The following CMIP variants were observed in gnomAD, a reference collection of about 807,000 sequenced individuals.
The protein encoded by CMIP is c-Maf inducing protein.
A neutral mutation model predicts 97.3 loss-of-function variants in CMIP; 13 were observed. That is an observed-to-expected ratio of 0.13 (90% confidence interval 0.09 to 0.21). CMIP has a LOEUF of 0.21. CMIP is among the 10% of genes least tolerant of loss of function. The probability of loss-of-function intolerance (pLI) is 1.00; values close to 1 mark genes in which losing one functional copy is unlikely to be tolerated. For synonymous variants in CMIP, 538 were observed against 436.3 expected (o/e 1.23, Z -2.91); for missense variants, 847 against 1,024.9 (o/e 0.83, Z 2.37).
intron 1 of CMIP, among the ~76,000 whole-genome samples, chr16:81,569,558 C>T (rs2091045818): frequency 6.6e-6 from 1 of 152,154 alleles, no homozygotes; most frequent in Admixed American, 6.5e-5. Context: ...ACAGTCCTGC[C>T]AAGGAGGCAA....
intron 1 of CMIP, among the ~76,000 whole-genome samples, chr16:81,477,286 CG>C: frequency 6.6e-6 from 1 of 152,148 alleles, no homozygotes; most frequent in South Asian, 2.1e-4. Context: ...TCCTGAGTAG[CG>C]GGGATTACAA....
chr16:81,652,281 G>T lies in CMIP; in HGVS notation c.556G>T (p.Val186Leu). The T allele has an allele frequency of 6.2e-7, 1 of 1,613,806 alleles. No individual in the cohort carries two copies. The highest frequency in any genetic ancestry group is 8.5e-7 in the Non-Finnish European group (1 of 1,179,714). Residue 186 changes from valine (V) to leucine (L), a missense_variant, in exon 4 of 21, where the codon GTG (valine) becomes TTG (leucine). Transcript: ENST00000537098. The surrounding 1 kb of genome is among the most constrained non-coding windows in gnomAD (Gnocchi z 5.2). ...TGTCTTGAAAGAGATCCGGACCCTG[G>T]TGGACATGGCCCTGACATCCCCCCT... The part of the protein sequence containing the change: ...EVVLKEIRTL[V>L]DMALTSPLQD...
At chr16:81,674,625 G>A (rs574676471) in intron 9 of CMIP, among the ~76,000 whole-genome samples, 2 of 151,718 alleles carry the variant, frequency 1.3e-5, no homozygotes, top group East Asian at 1.9e-4. Flanking sequence ...AGCTGTTGTC[G>A]CCCAGGCTGG....
chr16:81,505,386 C>T (rs2089689733), intron 1 of CMIP, among the ~76,000 whole-genome samples: 1 of 152,198 alleles, frequency 6.6e-6, no homozygotes, highest in Non-Finnish European at 1.5e-5. Flanking sequence ...GGGCCTGGTC[C>T]TCCAGACCCC....
At chr16:81,663,745 C>A (rs984915438) in intron 6 of CMIP, among the ~76,000 whole-genome samples, 1 of 152,142 alleles carries the variant, frequency 6.6e-6, no homozygotes, top group Non-Finnish European at 1.5e-5. Flanking sequence ...GGGCTGTGTC[C>A]ACCAATGAGA....
chr16:81,457,798 A>T (rs1906648321), intron 1 of CMIP, among the ~76,000 whole-genome samples: 1 of 152,172 alleles, frequency 6.6e-6, no homozygotes, highest in South Asian at 2.1e-4. Context: ...CTGAAAAACA[A>T]TGTGGGGGCC....
intron 12 of CMIP, 65 bp from the exon 13 acceptor site, chr16:81,693,374 C>G: frequency 6.3e-7 from 1 of 1,575,284 alleles, no homozygotes; most frequent in Non-Finnish European, 8.6e-7. Context: ...CATCCCCTCC[C>G]CTTCCCACAC....
At chr16:81,605,324 G>A (rs1049748627) in intron 1 of CMIP, among the ~76,000 whole-genome samples, 5 of 152,190 alleles carry the variant, frequency 3.3e-5, no homozygotes, top group East Asian at 1.9e-4. Flanking sequence ...AGGGGTGAGC[G>A]ATGCAGTGGT....
At chr16:81,546,337 A>G (rs773284679) in intron 1 of CMIP, among the ~76,000 whole-genome samples, 4 of 152,162 alleles carry the variant, frequency 2.6e-5, no homozygotes, top group African/African-American at 4.8e-5. Context: ...CTCCCTCTCA[A>G]TGCCAGGCAG....
intron 5 of CMIP, among the ~76,000 whole-genome samples, 195 bp from the exon 6 acceptor site, chr16:81,660,689 C>G (rs1255493191): frequency 6.6e-6 from 1 of 152,168 alleles, no homozygotes; most frequent in Non-Finnish European, 1.5e-5. Context: ...CAAACCCACA[C>G]AGACAGATAC....
Position 81,693,335 on chromosome 16 carries a change from C to A in CMIP, c.1482-104C>A, listed in dbSNP as rs183068907. The A allele has an allele frequency of 3.2e-4, 477 of 1,497,604 alleles. 5 individuals carry two copies. In the African/African-American group the frequency reaches 5.7e-3, roughly 18 times the overall value. The allele number at this position is 1,497,604 out of a possible 1,614,324, so 92.8% of individuals were successfully genotyped here. On this transcript the variant is annotated intron_variant, in intron 12 of 20. Coordinates refer to ENST00000537098, the MANE Select transcript of CMIP (RefSeq NM_198390.3). ...CGTGTCCCTGATCCACCGCCTTGCC[C>A]AGCTCCCTGGCCCGTTCTTCCTTGA... is the stretch of plus-strand genomic sequence containing the variant.
intron 1 of CMIP, among the ~76,000 whole-genome samples, chr16:81,528,141 A>C (rs561817014): frequency 6.6e-6 from 1 of 152,244 alleles, no homozygotes. Context: ...ACAGTATTCA[A>C]CTTTTCTTTA....
At chr16:81,571,691 C>G (rs540919515) in intron 1 of CMIP, among the ~76,000 whole-genome samples, 81 of 152,154 alleles carry the variant, frequency 5.3e-4, no homozygotes, top group African/African-American at 1.9e-3. Flanking sequence ...AGCAAGCGGT[C>G]CCTTCCTTGG....
chr16:81,572,481 G>C (rs1412174129), intron 1 of CMIP, among the ~76,000 whole-genome samples: 1 of 152,244 alleles, frequency 6.6e-6, no homozygotes, highest in African/African-American at 2.4e-5. Flanking sequence ...GCCTTTAACA[G>C]TGAGTGGACG....
At chr16:81,699,860 C>T (rs776645914) in intron 15 of CMIP, 59 bp downstream of exon 15, 60 of 1,193,132 alleles carry the variant, frequency 5.0e-5, no homozygotes, top group Non-Finnish European at 6.5e-5. Flanking sequence ...TTGTCCGTGC[C>T]GATAGAGCAT....
chr16:81,496,189 A>G (rs2089487507), intron 1 of CMIP, among the ~76,000 whole-genome samples: 1 of 152,224 alleles, frequency 6.6e-6, no homozygotes, highest in African/African-American at 2.4e-5. Context: ...CACACATCAC[A>G]TGTGTAAACA....
At chr16:81,709,159 G>A (rs567022287) in intron 20 of CMIP, among the ~76,000 whole-genome samples, 1 of 152,274 alleles carries the variant, frequency 6.6e-6, no homozygotes, top group Admixed American at 6.5e-5. Flanking sequence ...CAGCCTAGGG[G>A]GAGCCTCAAG....
At chr16:81,470,944 G>A (rs746086916) in intron 1 of CMIP, among the ~76,000 whole-genome samples, 1 of 152,180 alleles carries the variant, frequency 6.6e-6, no homozygotes, top group Admixed American at 6.5e-5. Flanking sequence ...ATACACATAG[G>A]CACACACATA....
chr16:81,465,409 A>G (rs567323885), intron 1 of CMIP, among the ~76,000 whole-genome samples: 19 of 152,266 alleles, frequency 1.2e-4, no homozygotes, highest in Non-Finnish European at 5.9e-5. Flanking sequence ...CGTCCTTGAT[A>G]GGGGCAGGAT....
Sources: gnomAD v4.1 joint callset for allele counts (sites outside exome capture counted in the v4.1 genomes callset) on GRCh38, gnomAD v4.1.1 for gene constraint, Gnocchi (gnomAD v3.1) non-coding constraint, MANE v1.5 for transcripts, NCBI Gene and HGNC (gene_info 2026-07-23, HGNC 2026-07-21) for gene names.